The following CPQ variants were observed in gnomAD, a reference collection of about 807,000 sequenced individuals.
The protein encoded by CPQ is Ser-Met dipeptidase.
A neutral mutation model predicts 45.7 loss-of-function variants in CPQ; 37 were observed. That is an observed-to-expected ratio of 0.81 (90% CI 0.62 to 1.07). CPQ has a LOEUF of 1.07. CPQ is among the 50% of genes least tolerant of loss of function. The pLI, the probability that CPQ is intolerant of heterozygous loss-of-function variation, is 0.00. For missense variants in CPQ, 537 were observed against 572.9 expected (o/e 0.94, Z 0.64); for synonymous variants, 186 against 205.8 (o/e 0.90, Z 0.82).
In CPQ at chr8:97,143,170, T is replaced by G; in HGVS notation, c.1406T>G (p.Leu469Arg). ...GTTGTTGCAGACATGGAAGAAATGC[T>G]GCCTAGGTCCTAGAAACAGTAAGAA... ...SYVVADMEEMLPRS is the reference protein window; with the variant it reads ...SYVVADMEEMRPRS The change falls in exon 8 of 8, where the codon CTG (leucine) becomes CGG (arginine). Residue 469 changes from leucine to arginine, a missense_variant. Transcript: ENST00000220763. 6.2e-7 allele frequency: 1 copy of G among 1,613,996 alleles called. No individual in the cohort carries two copies. Among genetic ancestry groups the G allele is most frequent in the Non-Finnish European group, 8.5e-7 (1 of 1,179,912 alleles).
chr8:96,784,399 T>TA (rs376534066), intron 1 of CPQ, among the ~76,000 whole-genome samples: 2 of 128,208 alleles, frequency 1.6e-5, no homozygotes, highest in African/African-American at 2.9e-5. Flanking sequence ...TGTTCTGAGG[T>TA]GGGGGGGGGG....
At chr8:96,714,454 T>C (rs140632723) in intron 1 of CPQ, among the ~76,000 whole-genome samples, 100 of 152,314 alleles carry the variant, frequency 6.6e-4, no homozygotes, top group African/African-American at 2.4e-3. Context: ...CATTTTGTAA[T>C]TCCCCAAATG....
chr8:96,771,209 T>C (rs1483052017), intron 1 of CPQ, among the ~76,000 whole-genome samples: 1 of 151,076 alleles, frequency 6.6e-6, no homozygotes, highest in African/African-American at 2.4e-5. Flanking sequence ...GACTTCCTTT[T>C]TCTTTTTTAA....
intron 5 of CPQ, among the ~76,000 whole-genome samples, chr8:97,022,035 C>T (rs1809697356): frequency 6.6e-6 from 1 of 152,100 alleles, no homozygotes; most frequent in Non-Finnish European, 1.5e-5. Flanking sequence ...TGAAATTAGG[C>T]ACATAGACCA....
intron 2 of CPQ, among the ~76,000 whole-genome samples, chr8:96,811,185 G>A (rs1201303970): frequency 1.3e-5 from 2 of 152,072 alleles, no homozygotes; most frequent in Non-Finnish European, 2.9e-5. Context: ...TTTTCCACAA[G>A]TCTTAAAATC....
At chr8:97,087,406 G>GA (rs869309286) in intron 7 of CPQ, among the ~76,000 whole-genome samples, 3 of 120,144 alleles carry the variant, frequency 2.5e-5, no homozygotes, top group African/African-American at 1.3e-4. Context: ...GTGCCGACTT[G>GA]GGGGGTCAAG....
chr8:96,727,446 A>T (rs1306466305), intron 1 of CPQ, among the ~76,000 whole-genome samples: 1 of 151,964 alleles, frequency 6.6e-6, no homozygotes, highest in Non-Finnish European at 1.5e-5. Flanking sequence ...GTATAAAAAC[A>T]CTCTCAGGAC....
rs773861111 is a variant in CPQ at position 97,022,964 on chromosome 8, C to CAT, written c.962-6429_962-6428dup. On this transcript the variant is annotated intron_variant, in intron 5 of 7. Coordinates refer to ENST00000220763, the MANE Select transcript of CPQ (RefSeq NM_016134.4). ...GCAGCACAATTTGCAATTCCAAAAACATATATATATACTGTATATAGTATA... is the reference window on the plus strand; with the variant it reads ...GCAGCACAATTTGCAATTCCAAAAACATATATATATATACTGTATATAGTATA... Among the ~76,000 whole-genome samples, 146 of 45,952 alleles carry CAT rather than the reference C, an allele frequency of 3.2e-3. 1 individual carries two copies. Among genetic ancestry groups the CAT allele is most frequent in the East Asian group, 0.021 (32 of 1,546 alleles). 30.1% of individuals were successfully genotyped at this position (45,952 alleles called of 152,430 possible).
At chr8:96,704,048 A>G (rs1809501559) in intron 1 of CPQ, among the ~76,000 whole-genome samples, 1 of 152,216 alleles carries the variant, frequency 6.6e-6, no homozygotes, top group Non-Finnish European at 1.5e-5. Context: ...GTTCTTAAGT[A>G]TTCATCAAGC....
intron 3 of CPQ, among the ~76,000 whole-genome samples, chr8:96,848,730 G>A (rs778856738): frequency 5.9e-5 from 9 of 152,180 alleles, no homozygotes; most frequent in African/African-American, 1.9e-4. Context: ...TTTTGTTCAT[G>A]TATGGGCTGT....
chr8:96,674,040 T>A (rs1245790215), intron 1 of CPQ, among the ~76,000 whole-genome samples: 1 of 152,144 alleles, frequency 6.6e-6, no homozygotes, highest in African/African-American at 2.4e-5. Context: ...AAAGTAATTG[T>A]TCAACTAGAA....
intron 1 of CPQ, among the ~76,000 whole-genome samples, chr8:96,781,329 C>A (rs1038470382): frequency 1.3e-5 from 2 of 152,108 alleles, no homozygotes; most frequent in Non-Finnish European, 2.9e-5. Flanking sequence ...ATTGAGGGGC[C>A]ACATCTGGTG....
rs571807270 is a variant in CPQ, at chr8:96,960,156, G to A, written c.850-5779G>A. ...TTCTTAGTATATTGGATGTATTATG[G>A]CTTCTAGTTACCAAGGGCCTTTGAA... On this transcript the variant is annotated intron_variant, in intron 4 of 7. Transcript: ENST00000220763. Among the ~76,000 whole-genome samples the A allele has an allele frequency of 3.9e-5, 6 of 152,154 alleles. No homozygotes were observed. The South Asian group carries it at 1.2e-3, about 32-fold the overall frequency.
At chr8:96,653,082 A>T (rs1401092306) in intron 1 of CPQ, among the ~76,000 whole-genome samples, 2 of 152,112 alleles carry the variant, frequency 1.3e-5, no homozygotes, top group Non-Finnish European at 2.9e-5. Context: ...CAGGTGTGCC[A>T]CTGGGCCTGG....
In CPQ at chr8:96,815,874, C is replaced by T. The variant is rs575144317; in HGVS notation, c.434-19099C>T. Among the ~76,000 whole-genome samples the T allele has an allele frequency of 3.3e-5, 5 of 152,192 alleles. No homozygotes were observed. The South Asian group carries it at 1.0e-3, about 32-fold the overall frequency. On this transcript the variant is annotated intron_variant, in intron 2 of 7. Coordinates refer to ENST00000220763, the MANE Select transcript of CPQ (RefSeq NM_016134.4). ...CATTATGGCTAAAAGAATGTACATACTTTAATTTATAAATACTATTAATAT... is the reference window on the plus strand; with the variant it reads ...CATTATGGCTAAAAGAATGTACATATTTTAATTTATAAATACTATTAATAT...
intron 6 of CPQ, among the ~76,000 whole-genome samples, chr8:97,056,035 G>T (rs1810450658): frequency 6.6e-6 from 1 of 152,088 alleles, no homozygotes; most frequent in Non-Finnish European, 1.5e-5. Flanking sequence ...GGAAGCCAAA[G>T]CTGCAGTGAG....
chr8:96,874,024 T>C (rs1032251650), intron 3 of CPQ, among the ~76,000 whole-genome samples: 3 of 151,852 alleles, frequency 2.0e-5, no homozygotes, highest in African/African-American at 7.2e-5. Flanking sequence ...TTTATGTAGA[T>C]CAAAGGAAAA....
In CPQ at chr8:97,078,589, C is replaced by A. The variant is rs568262374; in HGVS notation, c.1255+12379C>A. On this transcript the variant is annotated intron_variant, in intron 7 of 7. Coordinates refer to ENST00000220763, the MANE Select transcript of CPQ (RefSeq NM_016134.4). ...ATAATCACTCATTTGCTTTATCCCA[C>A]AATACACACCCAGTAGTCTCAGAAA... is the stretch of plus-strand genomic sequence containing the variant. Among the ~76,000 whole-genome samples the A allele has an allele frequency of 2.6e-5, 4 of 152,250 alleles. No homozygotes were observed. The East Asian group carries it at 7.7e-4, about 29-fold the overall frequency.
intron 1 of CPQ, among the ~76,000 whole-genome samples, chr8:96,758,956 G>A (rs1751268933): frequency 6.6e-6 from 1 of 152,154 alleles, no homozygotes; most frequent in Non-Finnish European, 1.5e-5. Flanking sequence ...TCAGCTTAAT[G>A]ATGGGGATAG....
Sources: gnomAD v4.1 joint callset for allele counts (sites outside exome capture counted in the v4.1 genomes callset) on GRCh38, gnomAD v4.1.1 for gene constraint, MANE v1.5 for transcripts, NCBI Gene and HGNC (gene_info 2026-07-23, HGNC 2026-07-21) for gene names.